Variants in GLB1L observed in about 807,000 individuals in gnomAD.
GLB1L encodes the protein beta-galactosidase-1-like protein.
GLB1L carries 58 observed loss-of-function variants against 75.7 expected under a neutral mutation model. That is an observed-to-expected ratio of 0.77 (90% CI 0.62 to 0.95). The LOEUF is 0.95. GLB1L is among the 40% of genes least tolerant of loss of function. The pLI is 0.00. For synonymous variants in GLB1L, 296 were observed against 303.0 expected (o/e 0.98, Z 0.24); for missense variants, 797 against 805.5 (o/e 0.99, Z 0.13).
chr2:219,238,315 C>T lies in GLB1L; in HGVS notation c.1276G>A (p.Glu426Lys), dbSNP rs764386870. The stretch of plus-strand genomic sequence containing the variant: ...TTTGGCACCCAGAATGGTGTTGGCT[C>T]AAAAATGGTATGGGTCATATAGGTT... Reference protein sequence around the residue: ...YRTYMTHTIFEPTPFWVPNNG... With the variant: ...YRTYMTHTIFKPTPFWVPNNG... The change falls in exon 14 of 17, where the codon GAG becomes AAG. Residue 426 changes from glutamate to lysine, a missense_variant. Transcript: ENST00000295759. 5 of 1,612,514 alleles carry T rather than the reference C, an allele frequency of 3.1e-6. No individual in the cohort carries two copies. The African/African-American group carries it at 6.7e-5, about 22-fold the overall frequency.
In GLB1L at chr2:219,243,517, C is replaced by T. The variant is rs769602348; in HGVS notation, c.57G>A (p.Thr19=). 8 of 1,614,208 alleles carry T rather than the reference C, an allele frequency of 5.0e-6. No homozygotes were observed. The Admixed American group carries it at 1.2e-4, about 24-fold the overall frequency. Residue 19 remains threonine (T), a synonymous_variant, in exon 2 of 17, where the codon ACG becomes ACA. Transcript: ENST00000295759. ...LRSLLLPLSL[T]LLLPQADTRS... is the part of the protein sequence containing the mutation. ...CTCATCTTACCTGGGGCAGCAGTAGCGTCAGGCTGAGCGGCAGCAGCAGGG... is the reference window on the plus strand; with the variant it reads ...CTCATCTTACCTGGGGCAGCAGTAGTGTCAGGCTGAGCGGCAGCAGCAGGG...
Position 219,236,760 on chromosome 2 carries a change from C to CTTTTT in GLB1L, c.*307_*311dup, listed in dbSNP as rs5838728. The CTTTTT allele has an allele frequency of 9.2e-4, 116 of 125,728 alleles. 3 individuals carry two copies. The highest frequency in any genetic ancestry group is 2.2e-3 in the South Asian group (12 of 5,556). 7.8% of individuals were successfully genotyped at this position (125,728 alleles called of 1,614,324 possible). On this transcript the variant is annotated 3_prime_UTR_variant, in exon 17 of 17. Transcript: ENST00000295759. Reference sequence around the variant, plus strand: ...CTCCATGTCCCAGGTCCAAGGGTTACTTTTTTTTTTTTTTTTTTTTTTGAG... The same window carrying CTTTTT: ...CTCCATGTCCCAGGTCCAAGGGTTACTTTTTTTTTTTTTTTTTTTTTTTTTTTGAG...
rs1951502504 is a variant in GLB1L at position 219,245,331 on chromosome 2, TA to T, written c.-174del. 6.6e-6 allele frequency: 1 copy of T among 152,344 alleles called. No homozygotes were observed. The highest frequency in any genetic ancestry group is 1.5e-5 in the Non-Finnish European group (1 of 68,092). 9.4% of individuals were successfully genotyped at this position (152,344 alleles called of 1,614,324 possible). A position where few individuals can be genotyped will look rare whatever the true frequency, so the allele number is the denominator to read the frequency against. ...GTCTTGACCCCCACCGAAGGCCAAG[TA>T]GAGAACCCTCACCAGGGTCCTGGGA... is the stretch of plus-strand genomic sequence containing the variant. On this transcript the variant is annotated 5_prime_UTR_variant, in exon 1 of 17. Coordinates refer to ENST00000295759, the MANE Select transcript of GLB1L (RefSeq NM_001286423.2).
rs766238132 is a variant in GLB1L, at chr2:219,239,191, G to C, written c.963C>G (p.Arg321=). 2.5e-6 allele frequency: 4 copies of C among 1,613,122 alleles called. No homozygotes were observed. In the East Asian group the frequency reaches 8.9e-5, roughly 36 times the overall value. ...GYWNGADKKG[R]FLPITTSYDY... ...CATAGCTGGTAGTAATCGGAAGGAA[G>C]CGTCCCTTCTTATCGGCACCTGAAG... is the stretch of plus-strand genomic sequence containing the variant. The change falls in exon 11 of 17, where the codon CGC becomes CGG. Residue 321 remains arginine, a synonymous_variant. Coordinates refer to ENST00000295759, the MANE Select transcript of GLB1L (RefSeq NM_001286423.2).
intron 2 of GLB1L, 73 bp from the exon 3 acceptor site, chr2:219,243,387 G>C: frequency 6.3e-7 from 1 of 1,590,426 alleles, no homozygotes; most frequent in East Asian, 2.2e-5. Context: ...GCCAAGAGCG[G>C]AAGAGATGGA....
chr2:219,238,657 T>C (rs1203967142), intron 12 of GLB1L, 48 bp downstream of exon 12: 2 of 1,599,998 alleles, frequency 1.3e-6, no homozygotes, highest in Middle Eastern at 1.7e-4. Context: ...AATAGGCTAT[T>C]TAGAAAAAAA....
rs1297099596 is a variant in GLB1L, at chr2:219,243,638, G to A, written c.-65C>T. On this transcript the variant is annotated 5_prime_UTR_variant, in exon 2 of 17. Transcript: ENST00000295759. ...ACCGTCACGTGTCGGATTCCTGGGA[G>A]GGAACCTCAGCGAGCAAGGGGGCGG... 6.5e-7 allele frequency: 1 copy of A among 1,549,474 alleles called. No individual in the cohort carries two copies. The highest frequency in any genetic ancestry group is 8.9e-7 in the Non-Finnish European group (1 of 1,122,912).
chr2:219,244,036 T>TGGGGGG (rs1951468266), intron 1 of GLB1L: 3 of 106,664 alleles, frequency 2.8e-5, no homozygotes, highest in African/African-American at 7.1e-5. Context: ...GGGGTGGGGG[T>TGGGGGG]AGGGGCTGAG....
In GLB1L at chr2:219,237,565, G is replaced by T. The variant is rs1238463053; in HGVS notation, c.1636C>A (p.Pro546Thr). 2 of 1,614,170 alleles carry T rather than the reference G, an allele frequency of 1.2e-6. No homozygotes were observed. Residue 546 changes from proline to threonine, a missense_variant, in exon 16 of 17, where the codon CCA becomes ACA. Transcript: ENST00000295759. The part of the protein sequence containing the change: ...SGPTFYSKTF[P>T]ILGSVGDTFL... ...GTGTCCCCAACTGAGCCTAAAATTG[G>T]AAATGTTTTGGAGTAGAATGTGGGG...
Position 219,243,303 on chromosome 2 carries a change from C to T in GLB1L, c.84G>A (p.Arg28=), listed in dbSNP as rs1190077513. ...CATGACCCCTATCCACTACGAACGA[C>T]CGAGTGTCTGCCTATAAAGAGAAAG... ...LTLLLPQADT[R]SFVVDRGHDR... is the part of the protein sequence containing the mutation. Residue 28 remains arginine, a synonymous_variant, in exon 3 of 17, where the codon CGG becomes CGA. Coordinates refer to ENST00000295759, the MANE Select transcript of GLB1L (RefSeq NM_001286423.2). 6.3e-7 allele frequency: 1 copy of T among 1,598,378 alleles called. No homozygotes were observed. Among genetic ancestry groups the T allele is most frequent in the Non-Finnish European group, 8.5e-7 (1 of 1,169,962 alleles).
In GLB1L at chr2:219,238,206, GA is replaced by G. The variant is rs1951299229; in HGVS notation, c.1341+43del. The G allele has an allele frequency of 2.2e-6, 3 of 1,360,836 alleles. No individual in the cohort carries two copies. In the South Asian group the frequency reaches 3.8e-5, roughly 17 times the overall value. 84.3% of individuals were successfully genotyped at this position (1,360,836 alleles called of 1,614,324 possible). The stretch of plus-strand genomic sequence containing the variant: ...GAACTTAAGGCTAACGCTTCCTGGG[GA>G]AGGGAGGAGTTTGGGGCTCACAGCC... On this transcript the variant is annotated intron_variant, in intron 14 of 16. Coordinates refer to ENST00000295759, the MANE Select transcript of GLB1L (RefSeq NM_001286423.2).
chr2:219,237,512 C>G lies in GLB1L; in HGVS notation c.1689G>C (p.Lys563Asn), dbSNP rs764028007. ...DTFLYLPGWT[K>N]GQVWINGFNL... ...CCCAAACCACCACCATTACCAATAC[C>G]TTGGTCCATCCAGGTAGATATAGAA... Residue 563 changes from lysine to asparagine, a missense_variant and splice_region_variant, in exon 16 of 17, where the codon AAG (lysine) becomes AAC (asparagine). Coordinates refer to ENST00000295759, the MANE Select transcript of GLB1L (RefSeq NM_001286423.2). The G allele has an allele frequency of 1.9e-6, 3 of 1,613,058 alleles. No homozygotes were observed. In the African/African-American group the frequency reaches 4.0e-5, roughly 22 times the overall value.
rs748055575 is a variant in GLB1L at position 219,242,903 on chromosome 2, GT to G, written c.254del (p.Asn85ThrfsTer22). 6.2e-7 allele frequency: 1 copy of G among 1,614,212 alleles called. No individual in the cohort carries two copies. The highest frequency in any genetic ancestry group is 2.2e-5 in the East Asian group (1 of 44,880). ...LNAIQFYVPW[N>X]YHEPQPGVYN... Reference sequence around the variant, plus strand: ...AGACCCCAGGCTGTGGCTCGTGGTAGTTCCAGGGCACATAACTGAGAAAGGA... The same window carrying G: ...AGACCCCAGGCTGTGGCTCGTGGTAGTCCAGGGCACATAACTGAGAAAGGA... On this transcript the variant is annotated frameshift_variant, in exon 4 of 17. Coordinates refer to ENST00000295759, the MANE Select transcript of GLB1L (RefSeq NM_001286423.2). LOFTEE classifies it high-confidence loss of function.
intron 1 of GLB1L, among the ~76,000 whole-genome samples, chr2:219,244,691 G>T (rs1177554788): frequency 6.6e-6 from 1 of 152,172 alleles, no homozygotes; most frequent in African/African-American, 2.4e-5. Flanking sequence ...GAAGATCAGG[G>T]TAATAATAAT....
Position 219,242,514 on chromosome 2 carries a change from C to G in GLB1L, c.451G>C (p.Asp151His). 1 of 1,611,232 alleles carries G rather than the reference C, an allele frequency of 6.2e-7. No homozygotes were observed. ...PEIHLRTSDP[D>H]FLAAVDSWFK... ...TGTTAAATCCTTTGTCTCAACTCAC[C>G]TGGATCTGAGGTTCTTAGATGAATT... is the stretch of plus-strand genomic sequence containing the variant. The change falls in exon 5 of 17, where the codon GAC (aspartate) becomes CAC (histidine). Residue 151 changes from aspartate to histidine, a missense_variant and splice_region_variant. By Grantham distance (81) the Asp-to-His change is moderately conservative. Transcript: ENST00000295759.
rs5838728 is a variant in GLB1L at position 219,236,760 on chromosome 2, C to CTTTTTTTTTTTTTTT, written c.*297_*311dup. ...CTCCATGTCCCAGGTCCAAGGGTTA[C>CTTTTTTTTTTTTTTT]TTTTTTTTTTTTTTTTTTTTTTGAG... On this transcript the variant is annotated 3_prime_UTR_variant, in exon 17 of 17. Coordinates refer to ENST00000295759, the MANE Select transcript of GLB1L (RefSeq NM_001286423.2). The CTTTTTTTTTTTTTTT allele has an allele frequency of 8.1e-6, 1 of 124,162 alleles. No individual in the cohort carries two copies. Among genetic ancestry groups the CTTTTTTTTTTTTTTT allele is most frequent in the Non-Finnish European group, 1.4e-5 (1 of 69,158 alleles). The allele number at this position is 124,162 out of a possible 1,614,324, so 7.7% of individuals were successfully genotyped here.
At chr2:219,243,703 T>C in intron 1 of GLB1L, 60 bp from the exon 2 acceptor site, 1 of 810,920 alleles carries the variant, frequency 1.2e-6, no homozygotes, top group Non-Finnish European at 2.1e-6. Flanking sequence ...CTGGACTTCC[T>C]CTCCAGCCTG....
At position 219,238,320 on chromosome 2, in the gene GLB1L, A is replaced by G. The variant is rs1242666529; in HGVS notation, c.1271T>C (p.Ile424Thr). Residue 424 changes from isoleucine to threonine, a missense_variant, in exon 14 of 17, where the codon ATT becomes ACT. By Grantham distance (89) the Ile-to-Thr change is moderately conservative (BLOSUM62 -1). Coordinates refer to ENST00000295759, the MANE Select transcript of GLB1L (RefSeq NM_001286423.2). ...CACCCAGAATGGTGTTGGCTCAAAAATGGTATGGGTCATATAGGTTCGGTA... is the reference window on the plus strand; with the variant it reads ...CACCCAGAATGGTGTTGGCTCAAAAGTGGTATGGGTCATATAGGTTCGGTA... ...MLYRTYMTHT[I>T]FEPTPFWVPN... 6.2e-7 allele frequency: 1 copy of G among 1,612,990 alleles called. No homozygotes were observed. Among genetic ancestry groups the G allele is most frequent in the African/African-American group, 1.3e-5 (1 of 74,868 alleles).
At position 219,236,771 on chromosome 2, in the gene GLB1L, T is replaced by TC. The variant is rs1413430919; in HGVS notation, c.*300_*301insG. ...AGGTCCAAGGGTTACTTTTTTTTTT[T>TC]TTTTTTTTTTTGAGATGGAGTGTCT... On this transcript the variant is annotated 3_prime_UTR_variant, in exon 17 of 17. Coordinates refer to ENST00000295759, the MANE Select transcript of GLB1L (RefSeq NM_001286423.2). 1 of 313,610 alleles carries TC rather than the reference T, an allele frequency of 3.2e-6. No homozygotes were observed. Among genetic ancestry groups the TC allele is most frequent in the East Asian group, 5.8e-5 (1 of 17,350 alleles). The allele number at this position is 313,610 out of a possible 1,614,324, so 19.4% of individuals were successfully genotyped here. A position where few individuals can be genotyped will look rare whatever the true frequency, so the allele number is the denominator to read the frequency against.
Sources: gnomAD v4.1 joint callset for allele counts (sites outside exome capture counted in the v4.1 genomes callset) on GRCh38, gnomAD v4.1.1 for gene constraint, MANE v1.5 for transcripts, NCBI Gene and HGNC (gene_info 2026-07-23, HGNC 2026-07-21) for gene names.